The following CD9 variants were observed in gnomAD, a reference collection of about 807,000 sequenced individuals.
The protein encoded by CD9 is CD9 molecule.
Under a neutral mutation model 31.4 loss-of-function variants are expected in CD9, and 10 were observed. The observed-to-expected ratio is 0.32, with a 90% confidence interval of 0.20 to 0.54. The LOEUF (loss-of-function observed/expected upper bound fraction) is 0.54. CD9 is among the 20% of genes least tolerant of loss of function. CD9 has a pLI of 0.94. For missense variants in CD9, 259 were observed against 300.1 expected (o/e 0.86, Z 1.01); for synonymous variants, 113 against 114.1 (o/e 0.99, Z 0.06).
rs1363467848 is a variant in CD9, at chr12:6,232,552, G to A, written c.176-80G>A. On this transcript the variant is annotated intron_variant, in intron 2 of 7. Coordinates refer to ENST00000009180, the MANE Select transcript of CD9 (RefSeq NM_001769.4). The surrounding 1 kb of genome is among the most constrained non-coding windows in gnomAD (Gnocchi z 4.8). ...GGTGGGGAGGCAGGAGTTAGGCAGA[G>A]GGAAACAGGAATTGCCGGAGATGCC... The A allele has an allele frequency of 2.3e-6, 2 of 869,098 alleles. No individual in the cohort carries two copies. Among genetic ancestry groups the A allele is most frequent in the Admixed American group, 4.0e-5 (2 of 50,176 alleles). 53.8% of individuals were successfully genotyped at this position (869,098 alleles called of 1,614,324 possible). A position where few individuals can be genotyped will look rare whatever the true frequency, so the allele number is the denominator to read the frequency against.
chr12:6,235,849 C>T (rs767297590), intron 6 of CD9: 61 of 1,371,452 alleles, frequency 4.4e-5, no homozygotes, highest in Non-Finnish European at 5.5e-5. Flanking sequence ...TGGACTCCCA[C>T]TCTGACTTTG....
Position 6,200,522 on chromosome 12 carries a change from A to T in CD9, c.23A>T (p.Lys8Met). MPVKGGT[K>M]CIKYLLFGFN... ...ACCATGCCGGTCAAAGGAGGCACCA[A>T]GTGCATCAAATACCTGCTGTTCGGA... The change falls in exon 1 of 8, where the codon AAG becomes ATG. Residue 8 changes from lysine to methionine, a missense_variant. Coordinates refer to ENST00000009180, the MANE Select transcript of CD9 (RefSeq NM_001769.4). 6.2e-7 allele frequency: 1 copy of T among 1,611,186 alleles called. No homozygotes were observed. Among genetic ancestry groups the T allele is most frequent in the Non-Finnish European group, 8.5e-7 (1 of 1,178,078 alleles).
chr12:6,233,233 T>C, intron 3 of CD9, 179 bp from the exon 4 acceptor site: 1 of 641,332 alleles, frequency 1.6e-6, no homozygotes, highest in Non-Finnish European at 2.8e-6. Flanking sequence ...GCCTCTGTCC[T>C]GGGCTTGGTT....
chr12:6,207,030 C>T (rs1188198342), intron 1 of CD9, among the ~76,000 whole-genome samples: 2 of 152,042 alleles, frequency 1.3e-5, no homozygotes, highest in Non-Finnish European at 2.9e-5. Context: ...GCTGGGACTA[C>T]AGCACACACC....
chr12:6,237,815 G>T lies in CD9; in HGVS notation c.674G>T (p.Arg225Leu). 6.2e-7 allele frequency: 1 copy of T among 1,612,316 alleles called. No individual in the cohort carries two copies. Residue 225 changes from arginine to leucine, a missense_variant, in exon 8 of 8, where the codon CGC becomes CTC. Physicochemically the swap from Arg to Leu is moderately radical, Grantham distance 102 (BLOSUM62 -2). Transcript: ENST00000009180. ...MILCCAIRRN[R>L]EMV Reference sequence around the variant, plus strand: ...TTGTGCTGTGCTATCCGCAGGAACCGCGAGATGGTCTAGAGTCAGCTTACA... The same window carrying T: ...TTGTGCTGTGCTATCCGCAGGAACCTCGAGATGGTCTAGAGTCAGCTTACA...
intron 1 of CD9, among the ~76,000 whole-genome samples, chr12:6,205,400 C>G (rs917006733): frequency 1.3e-5 from 2 of 152,196 alleles, no homozygotes; most frequent in East Asian, 3.9e-4. Context: ...AGACCCTGCT[C>G]TATTGTGCTC....
At chr12:6,202,977 C>T (rs903384141) in intron 1 of CD9, among the ~76,000 whole-genome samples, 1 of 152,156 alleles carries the variant, frequency 6.6e-6, no homozygotes, top group Non-Finnish European at 1.5e-5. Context: ...AATTACTGTT[C>T]ATTTGTCCTG....
intron 1 of CD9, among the ~76,000 whole-genome samples, chr12:6,214,250 C>T (rs146142072): frequency 1.1e-4 from 17 of 149,992 alleles, no homozygotes; most frequent in Admixed American, 4.7e-4. Context: ...GTGTCGGGGG[C>T]GTGGGTCCTT....
At chr12:6,216,810 G>A (rs539141391) in intron 1 of CD9, among the ~76,000 whole-genome samples, 3 of 152,124 alleles carry the variant, frequency 2.0e-5, no homozygotes, top group Non-Finnish European at 4.4e-5. Flanking sequence ...CGCCTTCTCC[G>A]ATCACAGGAG....
At chr12:6,218,758 G>A (rs1015056533) in intron 1 of CD9, among the ~76,000 whole-genome samples, 8 of 152,158 alleles carry the variant, frequency 5.3e-5, no homozygotes, top group African/African-American at 1.7e-4. Flanking sequence ...TTGCGTGGGA[G>A]CCTTGGGTGA....
chr12:6,201,523 T>C (rs1038276606), intron 1 of CD9, among the ~76,000 whole-genome samples: 15 of 152,122 alleles, frequency 9.9e-5, no homozygotes, highest in Non-Finnish European at 1.5e-5. Context: ...GGCCAGGAGC[T>C]CCAGAGACAC....
At position 6,233,477 on chromosome 12, in the gene CD9, C is replaced by A; in HGVS notation, c.339C>A (p.His113Gln). The change falls in exon 4 of 8, where the codon CAC (histidine) becomes CAA (glutamine). Residue 113 changes from histidine to glutamine, a missense_variant. Transcript: ENST00000009180. ...EIAAAIWGYS[H>Q]KDEVIKEVQE... ...CTGCGGCCATCTGGGGATATTCCCA[C>A]AAGGATGAGGTAGGTTTTTCCCATG... is the stretch of plus-strand genomic sequence containing the variant. 6.2e-7 allele frequency: 1 copy of A among 1,612,984 alleles called. No homozygotes were observed. The highest frequency in any genetic ancestry group is 8.5e-7 in the Non-Finnish European group (1 of 1,178,956).
intron 2 of CD9, among the ~76,000 whole-genome samples, chr12:6,230,025 G>A (rs983799557): frequency 6.6e-6 from 1 of 152,124 alleles, no homozygotes; most frequent in African/African-American, 2.4e-5. Flanking sequence ...AACAAGCTTG[G>A]GGTGTAAGCG....
chr12:6,209,103 C>T (rs11568205), intron 1 of CD9, among the ~76,000 whole-genome samples: 176 of 152,068 alleles, frequency 1.2e-3, no homozygotes, highest in African/African-American at 4.0e-3. Flanking sequence ...TGAGTAGCTG[C>T]GACTACAGGC....
chr12:6,235,122 T>G (rs1946498160), intron 4 of CD9, 107 bp from the exon 5 acceptor site: 1 of 830,274 alleles, frequency 1.2e-6, no homozygotes, highest in Non-Finnish European at 2.0e-6. Context: ...AGCACAGGCA[T>G]CTGGTGGCTG....
chr12:6,238,058 A>G lies in CD9; in HGVS notation c.*230A>G. ...GGGGGTTTGGTTTGCTTTGGTTTAT[A>G]TTTTTTCAGTTGTTTGTTTTTGCTT... On this transcript the variant is annotated 3_prime_UTR_variant, in exon 8 of 8. Coordinates refer to ENST00000009180, the MANE Select transcript of CD9 (RefSeq NM_001769.4). 1 of 420,022 alleles carries G rather than the reference A, an allele frequency of 2.4e-6. No individual in the cohort carries two copies. The highest frequency in any genetic ancestry group is 4.3e-6 in the Non-Finnish European group (1 of 230,032). The allele number at this position is 420,022 out of a possible 1,614,324, so 26.0% of individuals were successfully genotyped here.
At chr12:6,212,365 A>G (rs560575537) in intron 1 of CD9, among the ~76,000 whole-genome samples, 79 of 152,298 alleles carry the variant, frequency 5.2e-4, no homozygotes, top group African/African-American at 1.8e-3. Context: ...GTGTAATTCT[A>G]GTCTCCTCCC....
chr12:6,215,381 G>A (rs1259804924), intron 1 of CD9, among the ~76,000 whole-genome samples: 4 of 152,168 alleles, frequency 2.6e-5, no homozygotes, highest in African/African-American at 9.7e-5. Flanking sequence ...TTAAACTTGA[G>A]CGTGATGAGA....
intron 4 of CD9, 30 bp from the exon 5 acceptor site, chr12:6,235,199 C>G (rs1359726224): frequency 1.4e-6 from 2 of 1,465,854 alleles, no homozygotes; most frequent in Non-Finnish European, 1.9e-6. Context: ...AAAATGCCGT[C>G]TCTGCCCCTC....
Sources: allele counts gnomAD v4.1 joint callset (sites outside exome capture counted in the v4.1 genomes callset), GRCh38; gene constraint gnomAD v4.1.1; non-coding constraint Gnocchi (gnomAD v3.1); transcripts MANE v1.5; gene names NCBI Gene and HGNC (gene_info 2026-07-23, HGNC 2026-07-21).